Variants in GRIA3 observed in about 807,000 individuals in gnomAD.
The protein encoded by GRIA3 is glutamate ionotropic receptor AMPA type subunit 3.
GRIA3 carries 3 observed loss-of-function variants against 63.0 expected under a neutral mutation model. That is an observed-to-expected ratio of 0.05 (90% confidence interval 0.02 to 0.12). GRIA3 has a LOEUF of 0.12. Ranked by LOEUF, GRIA3 falls within the 10% of genes least tolerant of loss-of-function variation. The pLI is 1.00. For synonymous variants in GRIA3, 274 were observed against 257.9 expected (o/e 1.06, Z -0.60); for missense variants, 347 against 700.9 (o/e 0.50, Z 5.70).
At chrX:123,200,858 T>C (rs1035520677) in intron 2 of GRIA3, among the ~76,000 whole-genome samples, 3 of 111,587 alleles carry the variant, frequency 2.7e-5, no homozygotes, top group Non-Finnish European at 5.6e-5. Flanking sequence ...AACATGACTT[T>C]CCATCCTCTT....
chrX:123,210,279 T>A (rs1283459481), intron 2 of GRIA3, among the ~76,000 whole-genome samples: 2 of 108,668 alleles, frequency 1.8e-5, no homozygotes, highest in Non-Finnish European at 3.8e-5. Flanking sequence ...TCCTAACTCC[T>A]ACACTCTGTT....
intron 2 of GRIA3, among the ~76,000 whole-genome samples, chrX:123,245,800 T>C (rs2044355542): frequency 8.9e-6 from 1 of 111,752 alleles, no homozygotes; most frequent in African/African-American, 3.3e-5. Context: ...GCAAGATCTT[T>C]ATTATCCCAT....
intron 11 of GRIA3, among the ~76,000 whole-genome samples, chrX:123,426,945 G>C (rs664400): frequency 0.42 from 46,456 of 110,206 alleles, 7,364 homozygotes; most frequent in South Asian, 0.63. Context: ...GGTGGAAGGG[G>C]GTGTGGAGGA....
intron 3 of GRIA3, among the ~76,000 whole-genome samples, chrX:123,259,788 G>A (rs1038479061): frequency 5.4e-5 from 6 of 111,490 alleles, no homozygotes; most frequent in African/African-American, 9.8e-5. Flanking sequence ...GGTCTGCCAC[G>A]TTCCACAGTC....
rs1365744730 is a variant in GRIA3 at position 123,236,006 on chromosome X, C to T, written c.269-17297C>T. 3.6e-5 allele frequency among the ~76,000 whole-genome samples: 4 copies of T among 111,398 alleles called. No homozygotes were observed. The East Asian group carries it at 1.1e-3, about 31-fold the overall frequency. On this transcript the variant is annotated intron_variant, in intron 2 of 15. Transcript: ENST00000620443. ...AAGTTCATCTGCTTTCCACACAGGA[C>T]GTTTCTTCAGCCTTTCCAGGGGCCT...
At chrX:123,426,556 T>C (rs1162442874) in intron 11 of GRIA3, among the ~76,000 whole-genome samples, 1 of 112,041 alleles carries the variant, frequency 8.9e-6, no homozygotes, top group Non-Finnish European at 1.9e-5. Flanking sequence ...CTAGATGATA[T>C]TGATATGCAG....
At chrX:123,373,941 C>G (rs1389610109) in intron 5 of GRIA3, among the ~76,000 whole-genome samples, 3 of 111,524 alleles carry the variant, frequency 2.7e-5, no homozygotes, top group African/African-American at 6.5e-5. Context: ...ATGCCTATGT[C>G]CTTAATGGTA....
chrX:123,390,243 T>A (rs2045377975), intron 5 of GRIA3, among the ~76,000 whole-genome samples: 1 of 111,489 alleles, frequency 9.0e-6, no homozygotes, highest in South Asian at 3.7e-4. Context: ...TTTTATACTT[T>A]CATGTATTTT....
At chrX:123,221,355 A>G (rs1305563735) in intron 2 of GRIA3, among the ~76,000 whole-genome samples, 1 of 112,378 alleles carries the variant, frequency 8.9e-6, no homozygotes, top group Admixed American at 9.4e-5. Context: ...TTAAAATGAC[A>G]TAGTACAAGG....
intron 5 of GRIA3, among the ~76,000 whole-genome samples, chrX:123,381,691 G>C (rs747029624): frequency 8.9e-6 from 1 of 111,772 alleles, no homozygotes; most frequent in South Asian, 3.8e-4. Context: ...AGGCTGTGGA[G>C]AGAATCAGTC....
At chrX:123,464,663 A>C (rs999904046) in intron 12 of GRIA3, among the ~76,000 whole-genome samples, 1 of 111,633 alleles carries the variant, frequency 9.0e-6, no homozygotes, top group Non-Finnish European at 1.9e-5. Context: ...ATCAGAGAGC[A>C]TCACACATAG....
chrX:123,184,896 T>C (rs1311322961), intron 1 of GRIA3: 2 of 475,021 alleles, frequency 4.2e-6, no homozygotes, highest in Admixed American at 5.5e-5. Context: ...AACTGCTAGG[T>C]TTTCCGAGCC....
At chrX:123,217,308 A>T (rs907818917) in intron 2 of GRIA3, among the ~76,000 whole-genome samples, 3 of 111,626 alleles carry the variant, frequency 2.7e-5, no homozygotes, top group African/African-American at 9.8e-5. Flanking sequence ...AAGCTCTGTA[A>T]GAACCTGGAA....
chrX:123,317,285 C>T (rs995388712), intron 3 of GRIA3, among the ~76,000 whole-genome samples: 3 of 111,247 alleles, frequency 2.7e-5, no homozygotes, highest in Non-Finnish European at 5.7e-5. Context: ...CCATATCATT[C>T]TGCCCTGGCC....
chrX:123,399,323 C>T (rs1028800651), intron 7 of GRIA3, among the ~76,000 whole-genome samples: 2 of 111,890 alleles, frequency 1.8e-5, no homozygotes, highest in Admixed American at 1.9e-4. Context: ...TGCTATTCTA[C>T]AGGATGAAAT....
rs1171745578 is a variant in GRIA3, at chrX:123,490,204, T to TGA, written c.*1495_*1496dup. ...GGAGCTCGCATTCATTTCCCAAGTG[T>TGA]GACCCTTAGATGCTTAGTTGACTCG... On this transcript the variant is annotated 3_prime_UTR_variant, in exon 16 of 16. Coordinates refer to ENST00000620443, the MANE Select transcript of GRIA3 (RefSeq NM_007325.5). 2 of 112,883 alleles carry TGA rather than the reference T, an allele frequency of 1.8e-5. No individual in the cohort carries two copies. Among genetic ancestry groups the TGA allele is most frequent in the Non-Finnish European group, 3.7e-5 (2 of 53,345 alleles). The allele number at this position is 112,883 out of a possible 1,213,427, so 9.3% of individuals were successfully genotyped here.
At chrX:123,379,358 T>A (rs1456867865) in intron 5 of GRIA3, among the ~76,000 whole-genome samples, 1 of 111,527 alleles carries the variant, frequency 9.0e-6, no homozygotes, top group East Asian at 2.8e-4. Context: ...AAATCTAACA[T>A]GCTATGGAAA....
At chrX:123,362,979 T>C (rs1004382926) in intron 5 of GRIA3, among the ~76,000 whole-genome samples, 1 of 112,717 alleles carries the variant, frequency 8.9e-6, no homozygotes, top group Non-Finnish European at 1.9e-5. Flanking sequence ...TACTAATTTA[T>C]ATGGTGTAAT....
intron 2 of GRIA3, among the ~76,000 whole-genome samples, chrX:123,198,632 G>C (rs1274897365): frequency 9.0e-6 from 1 of 110,677 alleles, no homozygotes; most frequent in Non-Finnish European, 1.9e-5. Flanking sequence ...GGTTTGCTTG[G>C]GGACAAAAAA....
Sources: allele counts gnomAD v4.1 joint callset (sites outside exome capture counted in the v4.1 genomes callset), GRCh38; gene constraint gnomAD v4.1.1; transcripts MANE v1.5; gene names NCBI Gene and HGNC (gene_info 2026-07-23, HGNC 2026-07-21).